The following ERC1 variants were observed in gnomAD, a reference collection of about 807,000 sequenced individuals.
ERC1 encodes the protein ELKS/RAB6-interacting/CAST family member 1.
A neutral mutation model predicts 132.0 loss-of-function variants in ERC1; 56 were observed. The ratio of observed to expected loss-of-function variants is 0.42; its 90% CI spans 0.34 to 0.53. ERC1 has a LOEUF of 0.53. Ranked by LOEUF, ERC1 falls within the 20% of genes least tolerant of loss-of-function variation. ERC1 has a pLI of 0.03. For missense variants in ERC1, 1,202 were observed against 1,349.9 expected (o/e 0.89, Z 1.72); for synonymous variants, 478 against 476.1 (o/e 1.00, Z -0.05).
At chr12:1,127,472 A>G (rs1948318997) in intron 7 of ERC1, among the ~76,000 whole-genome samples, 1 of 152,108 alleles carries the variant, frequency 6.6e-6, no homozygotes, top group Non-Finnish European at 1.5e-5. Flanking sequence ...GTGATGCAGA[A>G]GCAGGGATAG....
rs35152033 is a variant in ERC1 at position 1,015,075 on chromosome 12, CT to C, written c.-156-12660del. On this transcript the variant is annotated intron_variant, in intron 1 of 18. Coordinates refer to ENST00000360905, the MANE Select transcript of ERC1 (RefSeq NM_178040.4). ...TACTGTGCCCTGCCTCTTTTTCTTT[CT>C]TTTTTTTTTTTTGAGACAGTCTTGC... Among the ~76,000 whole-genome samples the C allele has an allele frequency of 9.7e-3, 1,331 of 137,038 alleles. 10 individuals are homozygous for C. The highest frequency in any genetic ancestry group is 0.029 in the African/African-American group (1,089 of 37,772). The allele number at this position is 137,038 out of a possible 152,430, so 89.9% of individuals were successfully genotyped here.
At chr12:1,212,677 T>A (rs1957990565) in intron 12 of ERC1, among the ~76,000 whole-genome samples, 1 of 152,156 alleles carries the variant, frequency 6.6e-6, no homozygotes, top group South Asian at 2.1e-4. Flanking sequence ...AAACAGGGCC[T>A]CTCTGCAGGC....
rs2085569896 is a variant in ERC1 at position 1,356,640 on chromosome 12, A to G, written c.2781-15193A>G. 2.0e-5 allele frequency among the ~76,000 whole-genome samples: 3 copies of G among 152,214 alleles called. No individual in the cohort carries two copies. The South Asian group carries it at 6.2e-4, about 32-fold the overall frequency. On this transcript the variant is annotated intron_variant, in intron 15 of 18. Coordinates refer to ENST00000360905, the MANE Select transcript of ERC1 (RefSeq NM_178040.4). ...TTCCCATCTTTTTATGTCTACTTTA[A>G]CCGTATGCCCCTTATTAAAAGGAAA...
intron 7 of ERC1, among the ~76,000 whole-genome samples, chr12:1,138,778 G>A (rs976286698): frequency 2.6e-5 from 4 of 152,184 alleles, no homozygotes; most frequent in Non-Finnish European, 5.9e-5. Context: ...GGCAGTGCTG[G>A]TACATTGGGA....
intron 1 of ERC1, among the ~76,000 whole-genome samples, chr12:1,020,219 G>T (rs1328844969): frequency 6.6e-6 from 1 of 152,224 alleles, no homozygotes; most frequent in African/African-American, 2.4e-5. Context: ...CACTTTGAGA[G>T]ACCAAGGCAG....
intron 2 of ERC1, among the ~76,000 whole-genome samples, chr12:1,066,618 C>T (rs1178976209): frequency 1.3e-5 from 2 of 152,096 alleles, no homozygotes; most frequent in African/African-American, 2.4e-5. Context: ...AGGTGGATCA[C>T]GTGAGGTCAG....
intron 2 of ERC1, among the ~76,000 whole-genome samples, chr12:1,071,009 C>T (rs1033807992): frequency 5.3e-5 from 8 of 152,138 alleles, no homozygotes; most frequent in African/African-American, 1.9e-4. Flanking sequence ...TACATTTATC[C>T]ATGTTGTTGC....
chr12:1,012,388 A>C (rs1964826193), intron 1 of ERC1, among the ~76,000 whole-genome samples: 1 of 152,198 alleles, frequency 6.6e-6, no homozygotes, highest in Non-Finnish European at 1.5e-5. Context: ...TTAAGAAATA[A>C]ACAGTCACAG....
rs1022890892 is a variant in ERC1, at chr12:1,113,788, G to A, written c.1401+1490G>A. On this transcript the variant is annotated intron_variant, in intron 6 of 18. Coordinates refer to ENST00000360905, the MANE Select transcript of ERC1 (RefSeq NM_178040.4). ...AGCACATTTCACGCTTTATTTTACT[G>A]AATCCATAAACAGTACAGTGGCATT... Among the ~76,000 whole-genome samples the A allele has an allele frequency of 2.6e-5, 4 of 152,236 alleles. No individual in the cohort carries two copies. In the South Asian group the frequency reaches 8.3e-4, roughly 32 times the overall value.
At chr12:1,188,820 G>A (rs976657528) in intron 11 of ERC1, among the ~76,000 whole-genome samples, 7 of 151,982 alleles carry the variant, frequency 4.6e-5, no homozygotes, top group Admixed American at 3.9e-4. Flanking sequence ...ACCATTTTAA[G>A]GGACTAAATA....
At chr12:1,382,617 G>A (rs2088814939) in intron 16 of ERC1, among the ~76,000 whole-genome samples, 1 of 152,052 alleles carries the variant, frequency 6.6e-6, no homozygotes, top group Admixed American at 6.6e-5. Flanking sequence ...CTATAATATT[G>A]GGTGGATAGA....
intron 15 of ERC1, among the ~76,000 whole-genome samples, chr12:1,353,751 G>A (rs990889146): frequency 2.0e-5 from 3 of 152,154 alleles, no homozygotes; most frequent in African/African-American, 7.2e-5. Flanking sequence ...ACTGATTTAT[G>A]ATCTCTTTCC....
chr12:1,216,466 G>T (rs1449641815), intron 12 of ERC1, among the ~76,000 whole-genome samples: 1 of 151,988 alleles, frequency 6.6e-6, no homozygotes, highest in African/African-American at 2.4e-5. Flanking sequence ...TTTTTAAGCT[G>T]AGCCCTGTGA....
At chr12:1,177,986 A>G (rs964620688) in intron 8 of ERC1, among the ~76,000 whole-genome samples, 2 of 152,176 alleles carry the variant, frequency 1.3e-5, no homozygotes, top group African/African-American at 4.8e-5. Context: ...TCAAGGGAAG[A>G]CTAATGCTTT....
At chr12:1,052,595 G>C (rs760799149) in intron 2 of ERC1, among the ~76,000 whole-genome samples, 14 of 152,082 alleles carry the variant, frequency 9.2e-5, no homozygotes, top group Non-Finnish European at 1.9e-4. Context: ...GCAACCAAAT[G>C]AGAAAAGCAA....
chr12:1,294,733 A>G (rs73029201), intron 15 of ERC1, among the ~76,000 whole-genome samples: 5,296 of 152,298 alleles, frequency 0.035, 102 homozygotes, highest in Middle Eastern at 0.075. Flanking sequence ...CCTAATTGCA[A>G]TACCCAGTTG....
chr12:1,494,707 T>C lies in ERC1; in HGVS notation c.*4477T>C. ...CCCATCCCACCTCCTCTCTTCTTTCTCTGCTTGTCGATATTGTCTGTGTGA... is the reference window on the plus strand; with the variant it reads ...CCCATCCCACCTCCTCTCTTCTTTCCCTGCTTGTCGATATTGTCTGTGTGA... On this transcript the variant is annotated 3_prime_UTR_variant, in exon 19 of 19. Transcript: ENST00000360905. The C allele has an allele frequency of 4.3e-6, 1 of 231,470 alleles. No homozygotes were observed. Among genetic ancestry groups the C allele is most frequent in the South Asian group, 1.8e-4 (1 of 5,524 alleles). 14.3% of individuals were successfully genotyped at this position (231,470 alleles called of 1,614,324 possible). A position where few individuals can be genotyped will look rare whatever the true frequency, so the allele number is the denominator to read the frequency against.
At chr12:1,048,326 G>T (rs1024871163) in intron 2 of ERC1, among the ~76,000 whole-genome samples, 1 of 152,192 alleles carries the variant, frequency 6.6e-6, no homozygotes, top group Admixed American at 6.5e-5. Flanking sequence ...TCTAAAATGT[G>T]ACTGTGCAGG....
At chr12:1,438,615 A>G (rs144225245) in intron 17 of ERC1, among the ~76,000 whole-genome samples, 3 of 152,338 alleles carry the variant, frequency 2.0e-5, no homozygotes, top group Non-Finnish European at 2.9e-5. Context: ...CAGGAAGACA[A>G]TAAGTCATCA....
Sources: allele counts gnomAD v4.1 joint callset (sites outside exome capture counted in the v4.1 genomes callset), GRCh38; gene constraint gnomAD v4.1.1; transcripts MANE v1.5; gene names NCBI Gene and HGNC (gene_info 2026-07-23, HGNC 2026-07-21).